VDAC1: variants seen among roughly 807,000 people sequenced by gnomAD.
The protein encoded by VDAC1 is voltage dependent anion channel 1.
Under a neutral mutation model 34.7 loss-of-function variants are expected in VDAC1, and 10 were observed. The ratio of observed to expected loss-of-function variants is 0.29; its 90% confidence interval spans 0.18 to 0.49. VDAC1 has a LOEUF of 0.49. VDAC1 is among the 20% of genes least tolerant of loss of function. VDAC1 has a pLI of 0.99. For synonymous variants in VDAC1, 130 were observed against 136.0 expected (o/e 0.96, Z 0.30); for missense variants, 230 against 347.9 (o/e 0.66, Z 2.69).
At chr5:134,070,968 G>A in the VDAC1 span, among the ~76,000 whole-genome samples, 31 of 152,284 alleles carry the variant, frequency 2.0e-4, no homozygotes, top group African/African-American at 6.3e-4. Context: ...ACAGGAAACC[G>A]GTCCAAGCGT....
the VDAC1 span, among the ~76,000 whole-genome samples, chr5:134,011,636 G>A: frequency 1.5e-5 from 2 of 133,248 alleles, no homozygotes; most frequent in Non-Finnish European, 3.2e-5. Flanking sequence ...GTCATCACAA[G>A]TTCTTTTTTT....
chr5:133,992,275 A>C (rs751068697), intron 3 of VDAC1, 31 bp downstream of exon 3: 1 of 1,395,928 alleles, frequency 7.2e-7, no homozygotes, highest in East Asian at 2.7e-5. Context: ...ATAAATAAAT[A>C]CTCATGTTCC....
chr5:134,017,420 C>T, the VDAC1 span, among the ~76,000 whole-genome samples: 2 of 152,030 alleles, frequency 1.3e-5, no homozygotes, highest in Non-Finnish European at 2.9e-5. Context: ...CACACCATCG[C>T]ACTCCAGCCT....
At chr5:134,072,246 C>T in the VDAC1 span, among the ~76,000 whole-genome samples, 3 of 152,136 alleles carry the variant, frequency 2.0e-5, no homozygotes, top group Non-Finnish European at 4.4e-5. Context: ...TCAAGAGAGA[C>T]AGGACTTTAT....
the VDAC1 span, among the ~76,000 whole-genome samples, chr5:134,043,203 C>A: frequency 1.3e-5 from 2 of 152,204 alleles, no homozygotes; most frequent in Non-Finnish European, 2.9e-5. Context: ...TTTGACTGTC[C>A]AAGGGTGACC....
chr5:134,094,205 T>C, the VDAC1 span, among the ~76,000 whole-genome samples: 1 of 152,248 alleles, frequency 6.6e-6, no homozygotes, highest in Non-Finnish European at 1.5e-5. Flanking sequence ...GGATCCTTCC[T>C]GCAGGTGCAG....
intron 1 of VDAC1, among the ~76,000 whole-genome samples, chr5:133,994,410 G>A (rs1305326977): frequency 6.6e-6 from 1 of 152,142 alleles, no homozygotes; most frequent in East Asian, 1.9e-4. Flanking sequence ...TCCTATTTTT[G>A]TCGCTGCTGT....
the VDAC1 span, among the ~76,000 whole-genome samples, chr5:134,045,303 T>C: frequency 2.0e-5 from 3 of 152,214 alleles, no homozygotes; most frequent in African/African-American, 7.2e-5. Flanking sequence ...TGAAGTCCAG[T>C]GTATCAGCTT....
the VDAC1 span, among the ~76,000 whole-genome samples, chr5:134,034,056 G>A: frequency 6.6e-5 from 10 of 152,114 alleles, no homozygotes; most frequent in Admixed American, 3.9e-4. Flanking sequence ...CGTGAAAAAG[G>A]TGGGGAAGAA....
At chr5:134,095,353 C>T in the VDAC1 span, among the ~76,000 whole-genome samples, 2 of 151,852 alleles carry the variant, frequency 1.3e-5, no homozygotes, top group African/African-American at 4.8e-5. Flanking sequence ...TATGGTGGCT[C>T]GTGCCTATAG....
intron 1 of VDAC1, among the ~76,000 whole-genome samples, chr5:133,997,033 G>GCCA (rs1259766535): frequency 6.6e-6 from 1 of 152,168 alleles, no homozygotes; most frequent in African/African-American, 2.4e-5. Flanking sequence ...GCCACCAAGA[G>GCCA]CCACTGTTGA....
intron 2 of VDAC1, 32 bp downstream of exon 2, chr5:133,992,914 G>A (rs748508865): frequency 1.0e-5 from 16 of 1,601,240 alleles, no homozygotes; most frequent in Non-Finnish European, 1.1e-5. Context: ...CAGTCTGTGA[G>A]CTGAAAGGCA....
At chr5:134,113,585 G>A in the VDAC1 span, among the ~76,000 whole-genome samples, 1 of 152,248 alleles carries the variant, frequency 6.6e-6, no homozygotes, top group Non-Finnish European at 1.5e-5. Context: ...CGTCTACAGT[G>A]AACCCAGCAC....
chr5:134,001,707 A>G (rs1162299425), intron 1 of VDAC1, among the ~76,000 whole-genome samples: 1 of 113,664 alleles, frequency 8.8e-6, no homozygotes, highest in Non-Finnish European at 1.8e-5. Flanking sequence ...ACAGAGTGAG[A>G]CTCCATCTAA....
chr5:134,111,109 T>C, the VDAC1 span, among the ~76,000 whole-genome samples: 4 of 152,270 alleles, frequency 2.6e-5, no homozygotes, highest in African/African-American at 4.8e-5. Flanking sequence ...ATGACATCCA[T>C]TTAACCTATG....
the VDAC1 span, among the ~76,000 whole-genome samples, chr5:134,087,314 A>T: frequency 6.6e-6 from 1 of 151,910 alleles, no homozygotes; most frequent in Non-Finnish European, 1.5e-5. Context: ...TAAGGCAACA[A>T]TGGAAAGTTT....
chr5:134,036,855 A>C, the VDAC1 span, among the ~76,000 whole-genome samples: 1 of 151,930 alleles, frequency 6.6e-6, no homozygotes, highest in Non-Finnish European at 1.5e-5. Flanking sequence ...TGGGAGGCTG[A>C]GGCAGGAGAA....
the VDAC1 span, among the ~76,000 whole-genome samples, chr5:134,113,348 C>G: frequency 6.6e-6 from 1 of 152,178 alleles, no homozygotes; most frequent in Non-Finnish European, 1.5e-5. Context: ...TCCGAGACAC[C>G]CGGCTGGGCG....
chr5:134,080,536 C>T, the VDAC1 span, among the ~76,000 whole-genome samples: 12 of 151,938 alleles, frequency 7.9e-5, no homozygotes, highest in Non-Finnish European at 1.3e-4. Context: ...TACAGTACCA[C>T]GGGCAGGTTA....
Sources: gnomAD v4.1 joint callset for allele counts (sites outside exome capture counted in the v4.1 genomes callset) on GRCh38, gnomAD v4.1.1 for gene constraint, MANE v1.5 for transcripts, NCBI Gene and HGNC (gene_info 2026-07-23, HGNC 2026-07-21) for gene names.